The following DLG2 variants were observed in gnomAD, a reference collection of about 807,000 sequenced individuals.
DLG2 encodes the protein disks large homolog 2.
A neutral mutation model predicts 132.5 loss-of-function variants in DLG2; 45 were observed. That is an observed-to-expected ratio of 0.34 (90% CI 0.27 to 0.44). The LOEUF is 0.44. Ranked by LOEUF, DLG2 falls within the 20% of genes least tolerant of loss-of-function variation. The probability of loss-of-function intolerance (pLI) is 1.00; values close to 1 mark genes in which losing one functional copy is unlikely to be tolerated. For synonymous variants in DLG2, 424 were observed against 419.6 expected (o/e 1.01, Z -0.13); for missense variants, 1,045 against 1,196.9 (o/e 0.87, Z 1.87).
At chr11:83,842,860 G>A (rs906977593) in intron 16 of DLG2, among the ~76,000 whole-genome samples, 1 of 151,368 alleles carries the variant, frequency 6.6e-6, no homozygotes, top group African/African-American at 2.4e-5. Flanking sequence ...TTACACTGAA[G>A]TCTTTCTCAT....
chr11:84,487,028 A>C (rs952010813), intron 7 of DLG2, among the ~76,000 whole-genome samples: 1 of 152,190 alleles, frequency 6.6e-6, no homozygotes. Flanking sequence ...GTGTAATAGG[A>C]AAACTTACAT....
Position 84,799,984 on chromosome 11 carries a change from A to G in DLG2, c.358-265253T>C, listed in dbSNP as rs184933123. On this transcript the variant is annotated intron_variant, in intron 6 of 27. Coordinates refer to ENST00000376104, the MANE Select transcript of DLG2 (RefSeq NM_001142699.3). ...TTTCTCACATCTTGTCTGATTCTCA[A>G]AATACCTCTATAGAATAAATGGGGC... is the stretch of plus-strand genomic sequence containing the variant. Among the ~76,000 whole-genome samples, 141 of 152,334 alleles carry G rather than the reference A, an allele frequency of 9.3e-4. 2 individuals are homozygous for G. The highest frequency in any genetic ancestry group is 3.3e-3 in the African/African-American group (136 of 41,584).
chr11:85,131,853 T>C (rs773926985), intron 5 of DLG2, among the ~76,000 whole-genome samples: 1 of 152,190 alleles, frequency 6.6e-6, no homozygotes, highest in African/African-American at 2.4e-5. Flanking sequence ...AACTCTCATG[T>C]ACTAAGCTAT....
At chr11:84,883,160 G>A (rs1239166871) in intron 6 of DLG2, among the ~76,000 whole-genome samples, 5 of 152,024 alleles carry the variant, frequency 3.3e-5, no homozygotes, top group Non-Finnish European at 5.9e-5. Context: ...TCCTTTGCAG[G>A]GACATGGATG....
chr11:84,285,466 G>A (rs946936026), intron 7 of DLG2, among the ~76,000 whole-genome samples: 1 of 152,024 alleles, frequency 6.6e-6, no homozygotes, highest in East Asian at 1.9e-4. Flanking sequence ...TGGTTCCTAT[G>A]CAAATGCCAG....
chr11:83,959,763 C>T (rs193091555), intron 14 of DLG2, among the ~76,000 whole-genome samples: 6 of 152,086 alleles, frequency 3.9e-5, no homozygotes, highest in Admixed American at 2.0e-4. Flanking sequence ...ACAGACAGAC[C>T]TGAATTCAAA....
chr11:84,307,897 G>C (rs2098242503), intron 7 of DLG2, among the ~76,000 whole-genome samples: 2 of 152,104 alleles, frequency 1.3e-5, no homozygotes, highest in South Asian at 4.1e-4. Context: ...AAGGCGGCGC[G>C]TCTGGAGTTG....
chr11:85,366,448 G>A (rs2084559722), intron 3 of DLG2, among the ~76,000 whole-genome samples: 1 of 151,970 alleles, frequency 6.6e-6, no homozygotes, highest in South Asian at 2.1e-4. Flanking sequence ...TAATTTGTAT[G>A]GGCATTAGAA....
chr11:83,603,379 TCA>T (rs1253332511), intron 19 of DLG2, among the ~76,000 whole-genome samples: 1 of 152,148 alleles, frequency 6.6e-6, no homozygotes, highest in Non-Finnish European at 1.5e-5. Context: ...TCATTCATTC[TCA>T]CAGTTATATT....
intron 9 of DLG2, among the ~76,000 whole-genome samples, chr11:84,108,453 A>C (rs573536718): frequency 6.6e-6 from 1 of 152,274 alleles, no homozygotes; most frequent in Non-Finnish European, 1.5e-5. Flanking sequence ...CTAGGGTAGA[A>C]GGAGAGAACA....
intron 3 of DLG2, among the ~76,000 whole-genome samples, chr11:85,307,246 C>T (rs2080013937): frequency 6.6e-6 from 1 of 151,862 alleles, no homozygotes; most frequent in Non-Finnish European, 1.5e-5. Context: ...CGGAAGAAAA[C>T]TGGAGGAAAA....
chr11:85,154,151 A>C (rs2077444709), intron 5 of DLG2, among the ~76,000 whole-genome samples: 2 of 151,282 alleles, frequency 1.3e-5, no homozygotes, highest in African/African-American at 2.4e-5. Flanking sequence ...AAAAAAAAAA[A>C]AAAAAAAAAA....
chr11:83,535,728 T>G (rs905882432), intron 20 of DLG2, among the ~76,000 whole-genome samples: 4 of 152,154 alleles, frequency 2.6e-5, no homozygotes, highest in Non-Finnish European at 4.4e-5. Context: ...GTTGAAAAGC[T>G]TTGCTTCCTA....
At chr11:84,505,114 G>C (rs1208302055) in intron 7 of DLG2, among the ~76,000 whole-genome samples, 1 of 151,926 alleles carries the variant, frequency 6.6e-6, no homozygotes, top group African/African-American at 2.4e-5. Flanking sequence ...CTATACCTCA[G>C]TTATGACCCT....
At chr11:84,154,296 C>T (rs1415016340) in intron 9 of DLG2, among the ~76,000 whole-genome samples, 1 of 152,170 alleles carries the variant, frequency 6.6e-6, no homozygotes, top group Admixed American at 6.5e-5. Flanking sequence ...CTGCACCCAG[C>T]CATTAATATT....
chr11:83,652,621 C>A (rs1053718000), intron 18 of DLG2, among the ~76,000 whole-genome samples: 4 of 152,158 alleles, frequency 2.6e-5, no homozygotes, highest in Non-Finnish European at 5.9e-5. Flanking sequence ...ATCTGCCTGC[C>A]CTGGCCTCCC....
At chr11:83,965,564 A>C in intron 12 of DLG2, 96 bp from the exon 13 acceptor site, 1 of 1,010,926 alleles carries the variant, frequency 9.9e-7, no homozygotes, top group Non-Finnish European at 1.5e-6. Flanking sequence ...AATTGTGATA[A>C]TTACTGTCCA....
At chr11:85,306,036 T>C (rs969199118) in intron 3 of DLG2, among the ~76,000 whole-genome samples, 1 of 152,196 alleles carries the variant, frequency 6.6e-6, no homozygotes, top group Non-Finnish European at 1.5e-5. Context: ...TGTGTAACTG[T>C]GGACAAGTTA....
At chr11:85,351,351 T>C (rs2083272708) in intron 3 of DLG2, among the ~76,000 whole-genome samples, 1 of 152,226 alleles carries the variant, frequency 6.6e-6, no homozygotes, top group Non-Finnish European at 1.5e-5. Context: ...TCATGTCAAC[T>C]GCAAACAGGG....
Sources: gnomAD v4.1 joint callset for allele counts (sites outside exome capture counted in the v4.1 genomes callset) on GRCh38, gnomAD v4.1.1 for gene constraint, MANE v1.5 for transcripts, NCBI Gene and HGNC (gene_info 2026-07-23, HGNC 2026-07-21) for gene names.